MTHFD2L: variants seen among roughly 807,000 people sequenced by gnomAD.
MTHFD2L encodes the protein methylenetetrahydrofolate dehydrogenase (NADP+ dependent) 2 like, also known as bifunctional methylenetetrahydrofolate dehydrogenase/cyclohydrolase 2, mitochondrial.
MTHFD2L carries 29 observed loss-of-function variants against 34.9 expected under a neutral mutation model. The observed-to-expected ratio is 0.83, with a 90% CI of 0.62 to 1.13. The LOEUF is 1.13. Among genes scored for constraint, MTHFD2L ranks in the 50% most tolerant of loss-of-function variants. MTHFD2L has a pLI of 0.00. For missense variants in MTHFD2L, 481 were observed against 446.5 expected (o/e 1.08, Z -0.70); for synonymous variants, 167 against 155.7 (o/e 1.07, Z -0.54).
intron 6 of MTHFD2L, among the ~76,000 whole-genome samples, chr4:74,230,658 A>G (rs1217074591): frequency 6.6e-6 from 1 of 152,000 alleles, no homozygotes; most frequent in Non-Finnish European, 1.5e-5. Flanking sequence ...TAAGGAGACT[A>G]TTACATCTAA....
intron 3 of MTHFD2L, among the ~76,000 whole-genome samples, chr4:74,191,164 G>A (rs1337389054): frequency 6.6e-6 from 1 of 152,162 alleles, no homozygotes; most frequent in Non-Finnish European, 1.5e-5. Context: ...GCCTCCTGAA[G>A]TGTTGGGATT....
chr4:74,173,469 A>G (rs1427268311), intron 1 of MTHFD2L, among the ~76,000 whole-genome samples: 2 of 152,196 alleles, frequency 1.3e-5, no homozygotes, highest in Admixed American at 1.3e-4. Flanking sequence ...GATCCCCACC[A>G]TAATCAGTGA....
intron 6 of MTHFD2L, among the ~76,000 whole-genome samples, chr4:74,253,665 T>C (rs1479929772): frequency 6.6e-6 from 1 of 151,638 alleles, no homozygotes; most frequent in Non-Finnish European, 1.5e-5. Context: ...GGCCCCAGGC[T>C]CCAGGCAAGC....
At chr4:74,202,251 C>A (rs1423217082) in intron 5 of MTHFD2L, among the ~76,000 whole-genome samples, 1 of 152,156 alleles carries the variant, frequency 6.6e-6, no homozygotes, top group African/African-American at 2.4e-5. Context: ...AGCAATTAAG[C>A]ACCCATGGTA....
At chr4:74,157,939 T>C, upstream of MTHFD2L, 1 of 851,426 alleles carries the variant, frequency 1.2e-6, no homozygotes, top group East Asian at 2.7e-5. Context: ...CCCCGCCCCC[T>C]GCGGACCCGG....
At chr4:74,245,723 T>C (rs11942149) in intron 6 of MTHFD2L, among the ~76,000 whole-genome samples, 39,942 of 151,620 alleles carry the variant, frequency 0.26, 5,562 homozygotes, top group African/African-American at 0.35. Flanking sequence ...TGAGAACACG[T>C]GGTGTTTGGT....
At chr4:74,201,794 G>A (rs566185758) in intron 5 of MTHFD2L, among the ~76,000 whole-genome samples, 1 of 152,088 alleles carries the variant, frequency 6.6e-6, no homozygotes, top group African/African-American at 2.4e-5. Context: ...GTTGTTATCT[G>A]ATTATATAGG....
At chr4:74,150,885 C>T (rs1723893990) in intron 1 of MTHFD2L, among the ~76,000 whole-genome samples, 1 of 151,436 alleles carries the variant, frequency 6.6e-6, no homozygotes. Flanking sequence ...GAAGGCTTAA[C>T]AAAATAAAGA....
chr4:74,177,040 AT>A (rs2109967587), intron 3 of MTHFD2L, among the ~76,000 whole-genome samples: 1 of 152,118 alleles, frequency 6.6e-6, no homozygotes, highest in South Asian at 2.1e-4. Flanking sequence ...GACAAAAATC[AT>A]CAAGTTAATA....
intron 4 of MTHFD2L, among the ~76,000 whole-genome samples, chr4:74,200,755 G>A (rs1734282202): frequency 6.6e-6 from 1 of 152,116 alleles, no homozygotes; most frequent in African/African-American, 2.4e-5. Flanking sequence ...AAGAAACTGA[G>A]TCCAAAAGAA....
intron 1 of MTHFD2L, among the ~76,000 whole-genome samples, chr4:74,136,474 G>T (rs1309674370): frequency 6.6e-6 from 1 of 151,932 alleles, no homozygotes; most frequent in Non-Finnish European, 1.5e-5. Context: ...AGAAATAGAA[G>T]AAAGCACCAA....
At chr4:74,165,443 C>A (rs530690205) in intron 1 of MTHFD2L, among the ~76,000 whole-genome samples, 1 of 152,116 alleles carries the variant, frequency 6.6e-6, no homozygotes, top group Non-Finnish European at 1.5e-5. Context: ...CTGCAACCTC[C>A]GCCTCCTGGG....
At chr4:74,121,980 C>A (rs1721788121), upstream of MTHFD2L, among the ~76,000 whole-genome samples, 1 of 151,998 alleles carries the variant, frequency 6.6e-6, no homozygotes, top group South Asian at 2.1e-4. Context: ...TCTTGGACTT[C>A]CAGCCTCTAG....
At chr4:74,275,902 G>A (rs190888279) in intron 6 of MTHFD2L, among the ~76,000 whole-genome samples, 2 of 152,208 alleles carry the variant, frequency 1.3e-5, no homozygotes, top group African/African-American at 4.8e-5. Flanking sequence ...TATGTTGCCT[G>A]TTCACTCTGA....
chr4:74,271,963 G>C (rs895881259), intron 6 of MTHFD2L, among the ~76,000 whole-genome samples: 1 of 152,068 alleles, frequency 6.6e-6, no homozygotes, highest in African/African-American at 2.4e-5. Context: ...TATTATGTAA[G>C]TTCAGACAGA....
chr4:74,164,077 G>A (rs371892545), intron 1 of MTHFD2L, among the ~76,000 whole-genome samples: 76 of 152,026 alleles, frequency 5.0e-4, no homozygotes, highest in African/African-American at 1.8e-3. Context: ...GGGTTTCACC[G>A]TGTTAGCCAG....
intron 7 of MTHFD2L, among the ~76,000 whole-genome samples, chr4:74,300,385 A>T (rs1010892608): frequency 2.6e-5 from 4 of 152,024 alleles, no homozygotes; most frequent in Non-Finnish European, 5.9e-5. Flanking sequence ...GGTAAATCCC[A>T]CAAATCATCC....
intron 7 of MTHFD2L, among the ~76,000 whole-genome samples, chr4:74,286,665 G>T (rs1187437929): frequency 2.6e-5 from 4 of 152,022 alleles, no homozygotes; most frequent in South Asian, 2.1e-4. Context: ...GTGAATTCTT[G>T]GGCCTCATTT....
chr4:74,222,652 A>G (rs1184093467), intron 5 of MTHFD2L, among the ~76,000 whole-genome samples: 2 of 152,112 alleles, frequency 1.3e-5, no homozygotes, highest in Non-Finnish European at 2.9e-5. Context: ...TATAATCATA[A>G]TCAAAACTTT....
Sources: gnomAD v4.1 joint callset for allele counts (sites outside exome capture counted in the v4.1 genomes callset) on GRCh38, gnomAD v4.1.1 for gene constraint, MANE v1.5 for transcripts, NCBI Gene and HGNC (gene_info 2026-07-23, HGNC 2026-07-21) for gene names.